Variants in VSTM5 observed in about 807,000 individuals in gnomAD.
VSTM5 encodes V-set and transmembrane domain-containing protein 5.
A neutral mutation model predicts 20.3 loss-of-function variants in VSTM5; 21 were observed. The observed-to-expected ratio is 1.03, with a 90% CI of 0.73 to 1.49. VSTM5 has a LOEUF of 1.49. Among genes scored for constraint, VSTM5 ranks in the 40% most tolerant of loss-of-function variants. The probability of loss-of-function intolerance (pLI) is 0.00; values close to 1 mark genes in which losing one functional copy is unlikely to be tolerated. For synonymous variants in VSTM5, 100 were observed against 102.5 expected, an observed-to-expected ratio of 0.98 and a Z score of 0.14; for missense variants, 219 against 250.0, an observed-to-expected ratio of 0.88 and a Z score of 0.84.
At chr11:93,841,930 A>G (rs1264048328) in intron 1 of VSTM5, among the ~76,000 whole-genome samples, 1 of 152,218 alleles carries the variant, frequency 6.6e-6, no homozygotes, top group Non-Finnish European at 1.5e-5. Flanking sequence ...GAGTCAGACT[A>G]ACTGGTGTTC....
At chr11:93,838,704 G>A (rs1944344757) in intron 1 of VSTM5, among the ~76,000 whole-genome samples, 1 of 151,796 alleles carries the variant, frequency 6.6e-6, no homozygotes, top group Non-Finnish European at 1.5e-5. Context: ...GGCTTAGATG[G>A]GGAGGATAAC....
At chr11:93,832,973 T>A (rs1412198332) in intron 1 of VSTM5, among the ~76,000 whole-genome samples, 1 of 152,134 alleles carries the variant, frequency 6.6e-6, no homozygotes, top group Non-Finnish European at 1.5e-5. Context: ...GAGACAGATA[T>A]GACAAAAAGC....
intron 1 of VSTM5, among the ~76,000 whole-genome samples, chr11:93,831,439 T>C (rs57484520): frequency 6.6e-6 from 1 of 152,306 alleles, no homozygotes; most frequent in African/African-American, 2.4e-5. Context: ...CTCCAAGTAA[T>C]AGCTTTCCTG....
At chr11:93,850,172 G>A (rs1355310192) in intron 1 of VSTM5, among the ~76,000 whole-genome samples, 4 of 152,066 alleles carry the variant, frequency 2.6e-5, no homozygotes, top group Non-Finnish European at 5.9e-5. Flanking sequence ...GGGCCGGGGC[G>A]CCGCGGCCGG....
rs907242446 is a variant in VSTM5, at chr11:93,820,307, C to T, written c.*262G>A. 1.2e-5 allele frequency: 6 copies of T among 497,266 alleles called. No individual in the cohort carries two copies. The highest frequency in any genetic ancestry group is 7.0e-5 in the Admixed American group (2 of 28,666). The allele number at this position is 497,266 out of a possible 1,614,324, so 30.8% of individuals were successfully genotyped here. A position where few individuals can be genotyped will look rare whatever the true frequency, so the allele number is the denominator to read the frequency against. ...CTCACCCATTGGTTATGTGTCAGCA[C>T]GGCCCTGATGCTGCAGCCAAGCGAA... is the stretch of plus-strand genomic sequence containing the variant. On this transcript the variant is annotated 3_prime_UTR_variant, in exon 4 of 4. Transcript: ENST00000409977.
At chr11:93,850,054 T>G (rs1445795849) in intron 1 of VSTM5, among the ~76,000 whole-genome samples, 1 of 152,208 alleles carries the variant, frequency 6.6e-6, no homozygotes, top group African/African-American at 2.4e-5. Flanking sequence ...AAATAAAAAA[T>G]GTTGCAGAGG....
chr11:93,843,339 T>A (rs1237212007), intron 1 of VSTM5, among the ~76,000 whole-genome samples: 1 of 152,144 alleles, frequency 6.6e-6, no homozygotes, highest in Non-Finnish European at 1.5e-5. Context: ...TCTTGATGAA[T>A]GGTTCATCCT....
intron 1 of VSTM5, among the ~76,000 whole-genome samples, chr11:93,824,860 G>C (rs570586713): frequency 2.6e-5 from 4 of 152,110 alleles, no homozygotes; most frequent in Non-Finnish European, 5.9e-5. Context: ...GTAAGATAAG[G>C]GTTCAATTTC....
chr11:93,823,976 C>T (rs999850882), intron 1 of VSTM5, among the ~76,000 whole-genome samples: 4 of 144,352 alleles, frequency 2.8e-5, no homozygotes, highest in African/African-American at 5.1e-5. Flanking sequence ...GGCGCAATCT[C>T]GGCTCACTGC....
In VSTM5 at chr11:93,850,445, C is replaced by A. The variant is rs1362080736; in HGVS notation, c.58G>T (p.Ala20Ser). ...KTRGISLGLF[A>S]LCLAAARCLQ... ...CAGCGGGCTGCGGCCAGGCAGAGGGCGAAGAGTCCTAGGGAGATGCCTCGG... is the reference window on the plus strand; with the variant it reads ...CAGCGGGCTGCGGCCAGGCAGAGGGAGAAGAGTCCTAGGGAGATGCCTCGG... Residue 20 changes from alanine to serine, a missense_variant, in exon 1 of 4, where the codon GCC (alanine) becomes TCC (serine). Physicochemically the swap from Ala to Ser is moderately conservative, Grantham distance 99 (BLOSUM62 1). Transcript: ENST00000409977. 6.5e-7 allele frequency: 1 copy of A among 1,549,404 alleles called. No individual in the cohort carries two copies. The highest frequency in any genetic ancestry group is 2.0e-5 in the Admixed American group (1 of 50,882).
chr11:93,844,676 C>T (rs944321230), intron 1 of VSTM5, among the ~76,000 whole-genome samples: 2 of 152,344 alleles, frequency 1.3e-5, no homozygotes, highest in African/African-American at 4.8e-5. Context: ...CTTTCTCTCT[C>T]TCTCCTTACC....
chr11:93,822,428 G>A (rs542679432), intron 1 of VSTM5, among the ~76,000 whole-genome samples: 2 of 150,980 alleles, frequency 1.3e-5, no homozygotes, highest in Admixed American at 6.6e-5. Context: ...CCCACATAAC[G>A]GAAGAGGAGG....
At position 93,850,596 on chromosome 11, in the gene VSTM5, C is replaced by G. The variant is rs553237869; in HGVS notation, c.-94G>C. 99 of 693,988 alleles carry G rather than the reference C, an allele frequency of 1.4e-4. 1 individual carries two copies. The highest frequency in any genetic ancestry group is 1.1e-3 in the Middle Eastern group (2 of 1,900). The allele number at this position is 693,988 out of a possible 1,614,324, so 43.0% of individuals were successfully genotyped here. A position where few individuals can be genotyped will look rare whatever the true frequency, so the allele number is the denominator to read the frequency against. On this transcript the variant is annotated 5_prime_UTR_variant, in exon 1 of 4. Transcript: ENST00000409977. ...TTCTCTCTTCCTCCGCCTCTGGCTG[C>G]CGCAGGTTCTTTAGGGCCAGATGCA...
intron 1 of VSTM5, among the ~76,000 whole-genome samples, chr11:93,826,374 TA>T (rs1490395912): frequency 6.6e-6 from 1 of 152,152 alleles, no homozygotes; most frequent in East Asian, 1.9e-4. Context: ...CCTTGAAGTG[TA>T]AAGTTAGGTT....
chr11:93,841,832 G>T (rs915801587), intron 1 of VSTM5, among the ~76,000 whole-genome samples: 12 of 152,208 alleles, frequency 7.9e-5, no homozygotes, highest in African/African-American at 2.9e-4. Context: ...AACAGAACCA[G>T]GGTCAATGGA....
intron 1 of VSTM5, among the ~76,000 whole-genome samples, chr11:93,824,135 C>T (rs187147524): frequency 9.2e-5 from 14 of 152,084 alleles, no homozygotes; most frequent in East Asian, 1.9e-4. Flanking sequence ...CTCGAACTCC[C>T]GACATCAGGT....
At chr11:93,837,269 T>C (rs956720168) in intron 1 of VSTM5, among the ~76,000 whole-genome samples, 1 of 152,130 alleles carries the variant, frequency 6.6e-6, no homozygotes, top group Admixed American at 6.5e-5. Flanking sequence ...TGACCTCGGG[T>C]GATCTGCCCA....
chr11:93,843,573 C>T (rs1240185696), intron 1 of VSTM5, among the ~76,000 whole-genome samples: 1 of 152,164 alleles, frequency 6.6e-6, no homozygotes, highest in African/African-American at 2.4e-5. Flanking sequence ...TGCAGGCTAA[C>T]TCTGAAGATG....
At chr11:93,843,095 A>T (rs1338514025) in intron 1 of VSTM5, among the ~76,000 whole-genome samples, 3 of 152,112 alleles carry the variant, frequency 2.0e-5, no homozygotes, top group Non-Finnish European at 4.4e-5. Flanking sequence ...TGTCTAAAAA[A>T]AAAAAAGAGA....
Sources: gnomAD v4.1 joint callset for allele counts (sites outside exome capture counted in the v4.1 genomes callset) on GRCh38, gnomAD v4.1.1 for gene constraint, MANE v1.5 for transcripts, NCBI Gene and HGNC (gene_info 2026-07-23, HGNC 2026-07-21) for gene names.